Variants in AFAP1 observed in about 807,000 individuals in gnomAD.
AFAP1 encodes actin filament-associated protein 1.
A neutral mutation model predicts 93.9 loss-of-function variants in AFAP1; 75 were observed. The observed-to-expected ratio is 0.80, with a 90% confidence interval of 0.66 to 0.97. The LOEUF (loss-of-function observed/expected upper bound fraction) is 0.97, where lower values mean the gene tolerates loss of function less well. Among genes scored for constraint, AFAP1 ranks in the 50% least tolerant of loss-of-function variants. The probability of loss-of-function intolerance (pLI) is 0.00; values close to 1 mark genes in which losing one functional copy is unlikely to be tolerated. For missense variants in AFAP1, 1,201 were observed against 1,050.8 expected (o/e 1.14, Z -1.98); for synonymous variants, 517 against 430.7 (o/e 1.20, Z -2.48).
chr4:7,824,448 C>T (rs527826760), intron 6 of AFAP1, among the ~76,000 whole-genome samples: 2 of 147,136 alleles, frequency 1.4e-5, no homozygotes, highest in South Asian at 2.1e-4. Flanking sequence ...CACACAGAGA[C>T]AGTCAGTTAA....
chr4:7,840,000 A>G (rs183760761), intron 5 of AFAP1, among the ~76,000 whole-genome samples: 1 of 152,290 alleles, frequency 6.6e-6, no homozygotes, highest in Admixed American at 6.5e-5. Context: ...TGTCGACATC[A>G]TATGAGGCAT....
chr4:7,894,591 C>G (rs1396926629), intron 1 of AFAP1, among the ~76,000 whole-genome samples: 1 of 152,144 alleles, frequency 6.6e-6, no homozygotes, highest in Non-Finnish European at 1.5e-5. Flanking sequence ...AATGCAGAAT[C>G]AGGGAGACAG....
At position 7,939,702 on chromosome 4, in the gene AFAP1, G is replaced by T; in HGVS notation, c.-49C>A. On this transcript the variant is annotated 5_prime_UTR_variant, in exon 1 of 18. Transcript: ENST00000420658. This position sits in a 1 kb window ranked among gnomAD's most constrained non-coding sequence, Gnocchi z 5.6. ...GCTCGCTCCTCGCCGCGGCGCCTGG[G>T]CCGACTGGAGCGCAGCTGAACAGCC... 2.4e-6 allele frequency: 1 copy of T among 414,978 alleles called. No homozygotes were observed. The highest frequency in any genetic ancestry group is 4.8e-6 in the Non-Finnish European group (1 of 209,800). 25.7% of individuals were successfully genotyped at this position (414,978 alleles called of 1,614,324 possible).
At chr4:7,879,302 CATT>C (rs909744533) in intron 1 of AFAP1, among the ~76,000 whole-genome samples, 18 of 152,186 alleles carry the variant, frequency 1.2e-4, no homozygotes, top group African/African-American at 4.3e-4. Flanking sequence ...ATCTAATCAT[CATT>C]GAGATATTAC....
intron 6 of AFAP1, among the ~76,000 whole-genome samples, chr4:7,837,412 C>T (rs916325472): frequency 3.9e-5 from 6 of 152,152 alleles, no homozygotes; most frequent in African/African-American, 9.7e-5. Flanking sequence ...TTGTCCCTTC[C>T]GCCACATGAG....
intron 1 of AFAP1, among the ~76,000 whole-genome samples, chr4:7,896,163 T>C (rs577374360): frequency 6.6e-6 from 1 of 152,234 alleles, no homozygotes; most frequent in South Asian, 2.1e-4. Context: ...GAAAGTATTT[T>C]TTATAGAACT....
At chr4:7,794,221 G>C (rs934449633) in intron 10 of AFAP1, among the ~76,000 whole-genome samples, 1 of 152,238 alleles carries the variant, frequency 6.6e-6, no homozygotes. Context: ...GACTTGGGAA[G>C]CGTGACCAAG....
chr4:7,830,859 T>C (rs1055743982), intron 6 of AFAP1, among the ~76,000 whole-genome samples: 1 of 152,172 alleles, frequency 6.6e-6, no homozygotes, highest in East Asian at 1.9e-4. Context: ...TCCTCCCGCC[T>C]TGCCCTCCCA....
At chr4:7,853,991 A>G (rs1394225276) in intron 4 of AFAP1, among the ~76,000 whole-genome samples, 4 of 152,240 alleles carry the variant, frequency 2.6e-5, no homozygotes, top group Non-Finnish European at 5.9e-5. Flanking sequence ...AGCTCCTCAG[A>G]ATAAAAATGA....
intron 10 of AFAP1, among the ~76,000 whole-genome samples, chr4:7,797,893 CG>C (rs1045172069): frequency 2.6e-5 from 4 of 152,184 alleles, no homozygotes; most frequent in African/African-American, 9.6e-5. Context: ...GAAAGGGGCA[CG>C]GGGGAGAGTA....
At chr4:7,911,327 C>A (rs1233624536) in intron 1 of AFAP1, among the ~76,000 whole-genome samples, 2 of 152,184 alleles carry the variant, frequency 1.3e-5, no homozygotes, top group African/African-American at 4.8e-5. Flanking sequence ...TCCTCTTGGG[C>A]CTTTCTAAGT....
At chr4:7,781,931 T>C (rs1716814905) in intron 12 of AFAP1, among the ~76,000 whole-genome samples, 1 of 152,226 alleles carries the variant, frequency 6.6e-6, no homozygotes, top group African/African-American at 2.4e-5. Context: ...TATGAAGTTT[T>C]TGTTTTGTCC....
intron 1 of AFAP1, among the ~76,000 whole-genome samples, chr4:7,936,582 ATTT>A (rs56364092): frequency 7.4e-6 from 1 of 135,530 alleles, no homozygotes; most frequent in Non-Finnish European, 1.6e-5. Flanking sequence ...ACAAGCGGTA[ATTT>A]TTTTTTTTTT....
At chr4:7,876,923 T>C (rs1717545420) in intron 1 of AFAP1, among the ~76,000 whole-genome samples, 1 of 152,226 alleles carries the variant, frequency 6.6e-6, no homozygotes, top group Non-Finnish European at 1.5e-5. Context: ...CCATATTTTC[T>C]ACTTGACAGT....
intron 1 of AFAP1, among the ~76,000 whole-genome samples, chr4:7,878,125 C>T (rs1438659081): frequency 1.3e-5 from 2 of 152,204 alleles, no homozygotes; most frequent in East Asian, 1.9e-4. Context: ...ACTTTTAATA[C>T]AAACATGTCT....
intron 17 of AFAP1, among the ~76,000 whole-genome samples, chr4:7,766,791 A>C (rs1402210398): frequency 7.2e-5 from 11 of 152,046 alleles, no homozygotes; most frequent in Admixed American, 7.2e-4. Flanking sequence ...AAGGGAAGGG[A>C]AATCTGACCT....
intron 1 of AFAP1, among the ~76,000 whole-genome samples, chr4:7,928,647 A>G (rs1180215669): frequency 6.6e-6 from 1 of 152,124 alleles, no homozygotes; most frequent in Non-Finnish European, 1.5e-5. Flanking sequence ...TGGCCTCCCA[A>G]AGTGCTGGGA....
chr4:7,885,797 G>T (rs990277233), intron 1 of AFAP1, among the ~76,000 whole-genome samples: 3 of 152,094 alleles, frequency 2.0e-5, no homozygotes, highest in African/African-American at 4.8e-5. Flanking sequence ...ACAAAAATTC[G>T]TGGTGAAAGA....
intron 12 of AFAP1, among the ~76,000 whole-genome samples, chr4:7,785,519 G>C (rs1002347836): frequency 3.9e-5 from 6 of 152,146 alleles, no homozygotes; most frequent in African/African-American, 1.4e-4. Context: ...TAATCCCATC[G>C]GGAAATAACT....
Sources: gnomAD v4.1 joint callset for allele counts (sites outside exome capture counted in the v4.1 genomes callset) on GRCh38, gnomAD v4.1.1 for gene constraint, Gnocchi (gnomAD v3.1) non-coding constraint, MANE v1.5 for transcripts, NCBI Gene and HGNC (gene_info 2026-07-23, HGNC 2026-07-21) for gene names.